The following CCDC171 variants were observed in gnomAD, a reference collection of about 807,000 sequenced individuals.
The protein encoded by CCDC171 is coiled-coil domain-containing protein 171.
CCDC171 carries 177 observed loss-of-function variants against 168.2 expected under a neutral mutation model. The ratio of observed to expected loss-of-function variants is 1.05; its 90% CI spans 0.93 to 1.19. The LOEUF (loss-of-function observed/expected upper bound fraction) is 1.19. Ranked by LOEUF, CCDC171 falls within the 50% of genes most tolerant of loss-of-function variation. The pLI, the probability that CCDC171 is intolerant of heterozygous loss-of-function variation, is 0.00. For synonymous variants in CCDC171, 687 were observed against 540.8 expected, an observed-to-expected ratio of 1.27 and a Z score of -3.75; for missense variants, 1,991 against 1,539.0, an observed-to-expected ratio of 1.29 and a Z score of -4.91.
intron 1 of CCDC171, among the ~76,000 whole-genome samples, chr9:15,559,366 C>CG (rs200767196): frequency 0.022 from 3,321 of 152,162 alleles, 114 homozygotes; most frequent in African/African-American, 0.076. Flanking sequence ...GTATGGGAGT[C>CG]TAAGTCTCTT....
chr9:15,692,106 T>A (rs1389775755), intron 10 of CCDC171, among the ~76,000 whole-genome samples: 1 of 152,226 alleles, frequency 6.6e-6, no homozygotes. Flanking sequence ...TCAGGTGTGG[T>A]GGCTCACGCC....
intron 21 of CCDC171, among the ~76,000 whole-genome samples, chr9:15,843,038 C>G (rs529532403): frequency 4.6e-5 from 7 of 152,036 alleles, no homozygotes; most frequent in African/African-American, 1.7e-4. Flanking sequence ...ACTTTTCCTG[C>G]CAGCTTTCAT....
At chr9:15,835,047 C>G (rs753747815) in intron 21 of CCDC171, among the ~76,000 whole-genome samples, 2 of 152,134 alleles carry the variant, frequency 1.3e-5, no homozygotes. Flanking sequence ...GGTTTCTAAG[C>G]TGTGTCATGG....
intron 7 of CCDC171, among the ~76,000 whole-genome samples, chr9:15,629,056 G>A (rs2132232985): frequency 6.6e-6 from 1 of 152,172 alleles, no homozygotes; most frequent in Non-Finnish European, 1.5e-5. Flanking sequence ...AAGACCAAAA[G>A]TAGATAAAAC....
intron 21 of CCDC171, among the ~76,000 whole-genome samples, chr9:15,792,484 T>C (rs2058320156): frequency 6.6e-6 from 1 of 152,088 alleles, no homozygotes; most frequent in African/African-American, 2.4e-5. Flanking sequence ...GCCACAAAGA[T>C]ACTCCTTGAG....
At chr9:15,671,083 C>T (rs868769727) in intron 9 of CCDC171, among the ~76,000 whole-genome samples, 9 of 152,232 alleles carry the variant, frequency 5.9e-5, no homozygotes, top group Non-Finnish European at 7.4e-5. Flanking sequence ...CCAAGTGAGA[C>T]GCTGTCTAAA....
the CCDC171 span, among the ~76,000 whole-genome samples, chr9:16,086,639 T>A: frequency 3.3e-5 from 5 of 152,254 alleles, no homozygotes; most frequent in East Asian, 9.6e-4. Flanking sequence ...GTCTGTCTAT[T>A]TTGTTAATAT....
In CCDC171 at chr9:15,679,942, A is replaced by T. The variant is rs2049927186; in HGVS notation, c.1215+1046A>T. 2.0e-5 allele frequency among the ~76,000 whole-genome samples: 3 copies of T among 152,174 alleles called. No individual in the cohort carries two copies. The South Asian group carries it at 6.2e-4, about 32-fold the overall frequency. On this transcript the variant is annotated intron_variant, in intron 10 of 25. Coordinates refer to ENST00000380701, the MANE Select transcript of CCDC171 (RefSeq NM_173550.4). ...TGCTCCTTTTCTTTTCCATTAACAG[A>T]TTTCTTTACATCCTGTGATGCCCAG...
chr9:15,634,900 G>C (rs2046081254), intron 7 of CCDC171, among the ~76,000 whole-genome samples: 2 of 152,070 alleles, frequency 1.3e-5, no homozygotes, highest in South Asian at 4.1e-4. Context: ...ACAATATATG[G>C]TCTTTTCTGA....
chr9:15,901,456 G>C (rs904132704), intron 24 of CCDC171, among the ~76,000 whole-genome samples: 3 of 152,060 alleles, frequency 2.0e-5, no homozygotes, highest in African/African-American at 7.2e-5. Flanking sequence ...AGCATGTATG[G>C]GAACTCTCTG....
At chr9:15,834,003 C>T (rs754167838) in intron 21 of CCDC171, among the ~76,000 whole-genome samples, 4 of 151,940 alleles carry the variant, frequency 2.6e-5, no homozygotes, top group Non-Finnish European at 4.4e-5. Flanking sequence ...CAAAAATGAC[C>T]CAGACTGTAT....
At chr9:15,560,662 A>T (rs774817434) in intron 1 of CCDC171, among the ~76,000 whole-genome samples, 4 of 152,092 alleles carry the variant, frequency 2.6e-5, no homozygotes, top group Admixed American at 2.0e-4. Flanking sequence ...CTTCTTTGCG[A>T]TGGGTTTGAA....
At chr9:15,631,973 C>G (rs905745944) in intron 7 of CCDC171, among the ~76,000 whole-genome samples, 11 of 152,136 alleles carry the variant, frequency 7.2e-5, no homozygotes, top group Non-Finnish European at 1.5e-4. Flanking sequence ...TTCAACAACC[C>G]TTCATGCTAA....
chr9:15,792,295 C>A (rs1384150701), intron 21 of CCDC171, among the ~76,000 whole-genome samples: 1 of 152,158 alleles, frequency 6.6e-6, no homozygotes, highest in Non-Finnish European at 1.5e-5. Flanking sequence ...AAGAAACGAA[C>A]AAAGCTTCCA....
chr9:15,645,907 A>T (rs190983346), intron 7 of CCDC171, among the ~76,000 whole-genome samples: 2 of 152,190 alleles, frequency 1.3e-5, no homozygotes, highest in Non-Finnish European at 2.9e-5. Flanking sequence ...CGCCACAAAG[A>T]TACTCCTCGA....
At chr9:15,593,060 C>G (rs796281008) in intron 5 of CCDC171, among the ~76,000 whole-genome samples, 1 of 151,660 alleles carries the variant, frequency 6.6e-6, no homozygotes, top group African/African-American at 2.4e-5. Flanking sequence ...GTGTGATGTT[C>G]CCCTTCACTA....
At chr9:15,557,780 T>C (rs1204008490) in intron 1 of CCDC171, among the ~76,000 whole-genome samples, 4 of 152,144 alleles carry the variant, frequency 2.6e-5, no homozygotes, top group South Asian at 2.1e-4. Context: ...CTATGTTGAA[T>C]AGGAGTGGTG....
At chr9:16,002,004 A>AT in intron 3 of CCDC171, among the ~76,000 whole-genome samples, 1 of 151,094 alleles carries the variant, frequency 6.6e-6, no homozygotes, top group Non-Finnish European at 1.5e-5. Context: ...TGCCCATCTG[A>AT]TTTTTTGTAG....
intron 6 of CCDC171, among the ~76,000 whole-genome samples, chr9:16,029,006 G>A (rs746273047): frequency 2.6e-5 from 4 of 152,088 alleles, no homozygotes; most frequent in East Asian, 1.9e-4. Flanking sequence ...AAAGCCTTGA[G>A]CATAGAGCCC....
Sources: gnomAD v4.1 joint callset for allele counts (sites outside exome capture counted in the v4.1 genomes callset) on GRCh38, gnomAD v4.1.1 for gene constraint, MANE v1.5 for transcripts, NCBI Gene and HGNC (gene_info 2026-07-23, HGNC 2026-07-21) for gene names.